CAST: variants seen among roughly 807,000 people sequenced by gnomAD.
The protein encoded by CAST is MIR583 host.
Under a neutral mutation model 119.6 loss-of-function variants are expected in CAST, and 76 were observed. The ratio of observed to expected loss-of-function variants is 0.64; its 90% CI spans 0.53 to 0.77. The LOEUF is 0.77. Among genes scored for constraint, CAST ranks in the 30% least tolerant of loss-of-function variants. The probability of loss-of-function intolerance (pLI) is 0.00; values close to 1 mark genes in which losing one functional copy is unlikely to be tolerated. For synonymous variants in CAST, 319 were observed against 331.6 expected (o/e 0.96, Z 0.41); for missense variants, 953 against 946.5 (o/e 1.01, Z -0.09).
intron 1 of CAST, among the ~76,000 whole-genome samples, chr5:96,592,168 G>A (rs1175435424): frequency 2.0e-5 from 3 of 151,994 alleles, no homozygotes; most frequent in Admixed American, 6.6e-5. Context: ...AGGCTGAGGC[G>A]GGCGGATCAT....
chr5:96,695,753 A>C (rs1204224198), intron 2 of CAST, 83 bp from the exon 3 acceptor site: 2 of 825,822 alleles, frequency 2.4e-6, no homozygotes, highest in Non-Finnish European at 3.9e-6. Context: ...TTGAGAAAAT[A>C]TTTGTATTGA....
chr5:96,730,852 G>A lies in CAST; in HGVS notation c.622G>A (p.Gly208Ser). ...AGITAISGKPGDKKKEKKSLT... is the reference protein window; with the variant it reads ...AGITAISGKPSDKKKEKKSLT... Reference sequence around the variant, plus strand: ...TATCACTGCAATATCTGGCAAGCCGGGTGACAAGGTGAGCACACACAAGCA... The same window carrying A: ...TATCACTGCAATATCTGGCAAGCCGAGTGACAAGGTGAGCACACACAAGCA... The change falls in exon 9 of 32, where the codon GGT becomes AGT. Residue 208 changes from glycine to serine, a missense_variant. Coordinates refer to ENST00000675179, the MANE Select transcript of CAST (RefSeq NM_001750.7). 1 of 1,612,004 alleles carries A rather than the reference G, an allele frequency of 6.2e-7. No individual in the cohort carries two copies. The highest frequency in any genetic ancestry group is 8.5e-7 in the Non-Finnish European group (1 of 1,178,098).
the CAST span, among the ~76,000 whole-genome samples, chr5:96,043,673 G>T: frequency 1.5e-4 from 23 of 152,276 alleles, no homozygotes; most frequent in Non-Finnish European, 3.2e-4. Flanking sequence ...TTCTGTAGAA[G>T]AATGAAGAAA....
chr5:95,969,797 G>T, the CAST span, among the ~76,000 whole-genome samples: 72 of 152,288 alleles, frequency 4.7e-4, no homozygotes, highest in African/African-American at 1.7e-3. Context: ...GGTATCAGTG[G>T]ATTAAATGTC....
At chr5:96,207,266 C>G in the CAST span, among the ~76,000 whole-genome samples, 1 of 152,074 alleles carries the variant, frequency 6.6e-6, no homozygotes, top group African/African-American at 2.4e-5. Context: ...GTTTGACTTC[C>G]TCTCTTCCTA....
intron 1 of CAST, among the ~76,000 whole-genome samples, chr5:96,578,898 A>G (rs1346563593): frequency 6.6e-6 from 1 of 152,208 alleles, no homozygotes; most frequent in Non-Finnish European, 1.5e-5. Flanking sequence ...TTTGCAGGCT[A>G]TGATTCCAAT....
chr5:96,422,799 T>A, the CAST span, among the ~76,000 whole-genome samples: 2 of 152,240 alleles, frequency 1.3e-5, no homozygotes, highest in Admixed American at 6.5e-5. Context: ...TGAAGCAAAT[T>A]GTTTTTATTT....
intron 1 of CAST, among the ~76,000 whole-genome samples, chr5:96,652,903 T>A (rs1748111506): frequency 6.6e-6 from 1 of 152,114 alleles, no homozygotes. Flanking sequence ...ACAACAGGTT[T>A]GGGAGAGGTA....
At chr5:96,065,100 T>G in the CAST span, among the ~76,000 whole-genome samples, 123 of 152,282 alleles carry the variant, frequency 8.1e-4, no homozygotes, top group Non-Finnish European at 1.3e-4. Context: ...AAAAAGTCCC[T>G]GATGAGTCAG....
chr5:96,167,871 C>T, the CAST span, among the ~76,000 whole-genome samples: 2 of 152,142 alleles, frequency 1.3e-5, no homozygotes, highest in South Asian at 2.1e-4. Context: ...AATGCCCGAG[C>T]TTCATGTGTA....
At chr5:96,294,266 G>A in the CAST span, among the ~76,000 whole-genome samples, 1 of 151,922 alleles carries the variant, frequency 6.6e-6, no homozygotes, top group Non-Finnish European at 1.5e-5. Flanking sequence ...AACTCTTTTG[G>A]ACTTAGAGTC....
At chr5:96,530,103 T>G (rs1745663881) in intron 1 of CAST, among the ~76,000 whole-genome samples, 1 of 150,498 alleles carries the variant, frequency 6.6e-6, no homozygotes, top group Non-Finnish European at 1.5e-5. Flanking sequence ...GAAATAAACA[T>G]AATAATTTCA....
chr5:96,442,375 T>C, the CAST span, among the ~76,000 whole-genome samples: 1 of 152,262 alleles, frequency 6.6e-6, no homozygotes, highest in African/African-American at 2.4e-5. Flanking sequence ...GCTGTCATTA[T>C]GATTGGTCTG....
chr5:96,714,917 A>G (rs935656722), intron 3 of CAST: 2 of 151,908 alleles, frequency 1.3e-5, no homozygotes, highest in African/African-American at 4.8e-5. Flanking sequence ...TTTTTTTTCT[A>G]AGTTCTTGGG....
At chr5:96,491,490 C>CAAAAAAAAAAAAAAAAAAAAA in the CAST span, among the ~76,000 whole-genome samples, 3 of 56,786 alleles carry the variant, frequency 5.3e-5, no homozygotes, top group Non-Finnish European at 1.1e-4. Flanking sequence ...GACTCCATCT[C>CAAAAAAAAAAAAAAAAAAAAA]AAAAAAAAAA....
chr5:96,623,537 G>T (rs1747661613), intron 1 of CAST, among the ~76,000 whole-genome samples: 1 of 152,074 alleles, frequency 6.6e-6, no homozygotes, highest in Non-Finnish European at 1.5e-5. Context: ...CAAATATTAA[G>T]TGCCAGTGTC....
At chr5:96,262,878 G>A in the CAST span, among the ~76,000 whole-genome samples, 1 of 152,094 alleles carries the variant, frequency 6.6e-6, no homozygotes, top group Non-Finnish European at 1.5e-5. Flanking sequence ...ACCAAGGATA[G>A]GTCTTCTTGC....
the CAST span, among the ~76,000 whole-genome samples, chr5:96,179,732 C>T: frequency 5.9e-5 from 9 of 152,134 alleles, no homozygotes; most frequent in Non-Finnish European, 1.0e-4. Flanking sequence ...GAACGTTACA[C>T]GGTTTAGAAC....
chr5:96,423,647 C>T, the CAST span, among the ~76,000 whole-genome samples: 2 of 152,206 alleles, frequency 1.3e-5, no homozygotes, highest in Non-Finnish European at 2.9e-5. Flanking sequence ...CAGAGTGCTG[C>T]TCTTCTCCCG....
Sources: allele counts gnomAD v4.1 joint callset (sites outside exome capture counted in the v4.1 genomes callset), GRCh38; gene constraint gnomAD v4.1.1; transcripts MANE v1.5; gene names NCBI Gene and HGNC (gene_info 2026-07-23, HGNC 2026-07-21).